Variants in CREB5 observed in about 807,000 individuals in gnomAD.
CREB5 encodes the protein cyclic AMP-responsive element-binding protein 5.
Under a neutral mutation model 57.1 loss-of-function variants are expected in CREB5, and 19 were observed. The ratio of observed to expected loss-of-function variants is 0.33; its 90% CI spans 0.23 to 0.49. The LOEUF (loss-of-function observed/expected upper bound fraction) is 0.49. CREB5 is among the 20% of genes least tolerant of loss of function. The pLI is 0.99. For missense variants in CREB5, 579 were observed against 671.6 expected, an observed-to-expected ratio of 0.86 and a Z score of 1.52; for synonymous variants, 238 against 238.3, an observed-to-expected ratio of 1.00 and a Z score of 0.01.
chr7:28,470,700 T>C (rs942872161), intron 1 of CREB5, among the ~76,000 whole-genome samples: 10 of 152,206 alleles, frequency 6.6e-5, no homozygotes, highest in Admixed American at 3.3e-4. Flanking sequence ...ACCAACAGTG[T>C]ATGAGGGTTC....
chr7:28,567,343 A>G (rs1390161015), intron 4 of CREB5, among the ~76,000 whole-genome samples: 1 of 152,232 alleles, frequency 6.6e-6, no homozygotes, highest in Non-Finnish European at 1.5e-5. Context: ...CAAGATGAAC[A>G]GACAGGACAT....
chr7:28,660,380 A>ATTTTT (rs1270444966), intron 5 of CREB5, among the ~76,000 whole-genome samples: 1 of 100,802 alleles, frequency 9.9e-6, no homozygotes, highest in African/African-American at 5.0e-5. Flanking sequence ...TGCATTCAAC[A>ATTTTT]GTTTTTTTTT....
chr7:28,748,620 T>G (rs1358237459), intron 7 of CREB5, among the ~76,000 whole-genome samples: 2 of 152,218 alleles, frequency 1.3e-5, no homozygotes, highest in Admixed American at 6.5e-5. Context: ...GAAGAGAGAC[T>G]TCAGTATCTG....
chr7:28,368,281 T>C (rs1330096165), intron 1 of CREB5, among the ~76,000 whole-genome samples: 1 of 152,128 alleles, frequency 6.6e-6, no homozygotes, highest in Non-Finnish European at 1.5e-5. Context: ...CTGAGTACAA[T>C]GTACAGTATT....
intron 5 of CREB5, among the ~76,000 whole-genome samples, chr7:28,672,190 C>CACAT (rs1197017288): frequency 7.1e-4 from 106 of 149,984 alleles, no homozygotes; most frequent in African/African-American, 2.5e-3. Context: ...AAAAAAAAAA[C>CACAT]ACACACACAC....
chr7:28,535,119 C>T (rs1297891773), intron 4 of CREB5, among the ~76,000 whole-genome samples: 1 of 142,068 alleles, frequency 7.0e-6, no homozygotes, highest in Non-Finnish European at 1.6e-5. Flanking sequence ...ACCCCATCTA[C>T]ACCGGCTCTT....
chr7:28,471,915 T>A (rs747442365), intron 1 of CREB5, among the ~76,000 whole-genome samples: 38 of 152,228 alleles, frequency 2.5e-4, no homozygotes, highest in Non-Finnish European at 4.6e-4. Flanking sequence ...TGGCATTTCT[T>A]ACATATAAAA....
intron 1 of CREB5, among the ~76,000 whole-genome samples, chr7:28,320,983 G>A (rs1785485610): frequency 6.6e-6 from 1 of 152,214 alleles, no homozygotes; most frequent in Admixed American, 6.5e-5. Context: ...CCTAGGTGTG[G>A]AGCATGGCTC....
At chr7:28,495,114 C>A in intron 3 of CREB5, 115 bp downstream of exon 3, 1 of 611,946 alleles carries the variant, frequency 1.6e-6, no homozygotes, top group Non-Finnish European at 2.7e-6. Context: ...TGAAAATACA[C>A]ATTTCTAAGG....
intron 5 of CREB5, among the ~76,000 whole-genome samples, chr7:28,631,149 A>T: frequency 6.6e-6 from 1 of 152,072 alleles, no homozygotes; most frequent in Non-Finnish European, 1.5e-5. Flanking sequence ...AGGGCCATTG[A>T]TTCTTCTTCT....
intron 1 of CREB5, among the ~76,000 whole-genome samples, chr7:28,301,680 CTGT>C (rs1386564020): frequency 6.6e-6 from 1 of 152,222 alleles, no homozygotes; most frequent in Non-Finnish European, 1.5e-5. Flanking sequence ...CTATGAATTT[CTGT>C]TGTCTGTATT....
At chr7:28,367,729 A>AC (rs1201582138) in intron 1 of CREB5, among the ~76,000 whole-genome samples, 1 of 152,092 alleles carries the variant, frequency 6.6e-6, no homozygotes. Flanking sequence ...AATTGCTTGA[A>AC]CCCGGGAGGC....
At chr7:28,372,283 G>A (rs568228383) in intron 1 of CREB5, among the ~76,000 whole-genome samples, 1 of 152,188 alleles carries the variant, frequency 6.6e-6, no homozygotes, top group Non-Finnish European at 1.5e-5. Flanking sequence ...ACCAGGGACT[G>A]GGAGTGAGTT....
intron 6 of CREB5, among the ~76,000 whole-genome samples, chr7:28,720,664 C>T (rs986686399): frequency 2.6e-5 from 4 of 152,148 alleles, no homozygotes; most frequent in African/African-American, 7.2e-5. Flanking sequence ...GGACAGATCA[C>T]GTTGGTTGAC....
intron 5 of CREB5, among the ~76,000 whole-genome samples, chr7:28,682,284 T>A (rs1800633737): frequency 6.6e-6 from 1 of 152,212 alleles, no homozygotes; most frequent in Admixed American, 6.5e-5. Flanking sequence ...TCAGGATGCA[T>A]GCTGCACCAG....
At chr7:28,573,070 C>A (rs1299809371) in intron 5 of CREB5, among the ~76,000 whole-genome samples, 1 of 152,052 alleles carries the variant, frequency 6.6e-6, no homozygotes, top group Non-Finnish European at 1.5e-5. Flanking sequence ...CCCGGATGAT[C>A]CTGGAGACTC....
chr7:28,616,617 G>A (rs1797605110), intron 5 of CREB5, among the ~76,000 whole-genome samples: 1 of 152,136 alleles, frequency 6.6e-6, no homozygotes, highest in African/African-American at 2.4e-5. Flanking sequence ...TGGACAAGCT[G>A]TATAATTTCT....
At chr7:28,718,192 C>T (rs532532331) in intron 5 of CREB5, among the ~76,000 whole-genome samples, 2 of 152,340 alleles carry the variant, frequency 1.3e-5, no homozygotes, top group East Asian at 3.9e-4. Context: ...GCTGCCGCAC[C>T]AGGATCCGGC....
At chr7:28,490,488 G>A (rs1315504030) in intron 2 of CREB5, among the ~76,000 whole-genome samples, 1 of 152,210 alleles carries the variant, frequency 6.6e-6, no homozygotes, top group African/African-American at 2.4e-5. Context: ...GTGTTTCAAG[G>A]AAGGGGCTGT....
Sources: allele counts gnomAD v4.1 joint callset (sites outside exome capture counted in the v4.1 genomes callset), GRCh38; gene constraint gnomAD v4.1.1; transcripts MANE v1.5; gene names NCBI Gene and HGNC (gene_info 2026-07-23, HGNC 2026-07-21).